Variants in COL25A1 observed in about 807,000 individuals in gnomAD.
The protein encoded by COL25A1 is collagen type XXV alpha 1 chain.
Under a neutral mutation model 128.4 loss-of-function variants are expected in COL25A1, and 103 were observed. That is an observed-to-expected ratio of 0.80 (90% CI 0.68 to 0.94). The LOEUF is 0.94. Among genes scored for constraint, COL25A1 ranks in the 40% least tolerant of loss-of-function variants. The pLI, the probability that COL25A1 is intolerant of heterozygous loss-of-function variation, is 0.00. For missense variants in COL25A1, 745 were observed against 840.0 expected (o/e 0.89, Z 1.40); for synonymous variants, 279 against 277.2 (o/e 1.01, Z -0.06).
chr4:109,180,275 T>A (rs1560821609), intron 3 of COL25A1, among the ~76,000 whole-genome samples: 1 of 152,192 alleles, frequency 6.6e-6, no homozygotes, highest in Non-Finnish European at 1.5e-5. Context: ...CAAAGCTGAT[T>A]ACTGAAATAA....
At chr4:109,207,352 C>T (rs537515823) in intron 3 of COL25A1, among the ~76,000 whole-genome samples, 1 of 152,058 alleles carries the variant, frequency 6.6e-6, no homozygotes, top group African/African-American at 2.4e-5. Context: ...AACATCTTGG[C>T]AGTCTTCCTG....
intron 8 of COL25A1, among the ~76,000 whole-genome samples, chr4:108,971,275 C>T (rs1751885024): frequency 6.6e-6 from 1 of 152,104 alleles, no homozygotes; most frequent in Non-Finnish European, 1.5e-5. Context: ...TTCATACATT[C>T]AACAAATATT....
chr4:109,297,862 C>CTTTTTTTTTTTT (rs35099153), intron 3 of COL25A1, among the ~76,000 whole-genome samples: 4 of 63,830 alleles, frequency 6.3e-5, no homozygotes, highest in Non-Finnish European at 5.9e-5. Flanking sequence ...TTTTCCTTTT[C>CTTTTTTTTTTTT]TTTTTTTTTT....
At chr4:109,204,484 A>T (rs1302437260) in intron 3 of COL25A1, among the ~76,000 whole-genome samples, 1 of 152,222 alleles carries the variant, frequency 6.6e-6, no homozygotes, top group Non-Finnish European at 1.5e-5. Flanking sequence ...CAGCCAGAAA[A>T]GCAAAATACA....
chr4:109,045,492 T>TA (rs1320729803), intron 5 of COL25A1, among the ~76,000 whole-genome samples: 1 of 152,146 alleles, frequency 6.6e-6, no homozygotes, highest in African/African-American at 2.4e-5. Context: ...TACTCAGATA[T>TA]AAAAAATATG....
intron 5 of COL25A1, among the ~76,000 whole-genome samples, chr4:109,033,760 T>C (rs1427229881): frequency 6.6e-6 from 1 of 152,178 alleles, no homozygotes; most frequent in African/African-American, 2.4e-5. Flanking sequence ...GCTAATTTAT[T>C]TTGACAGTAA....
At chr4:109,213,978 T>A (rs1284434383) in intron 3 of COL25A1, among the ~76,000 whole-genome samples, 1 of 152,110 alleles carries the variant, frequency 6.6e-6, no homozygotes, top group Admixed American at 6.6e-5. Flanking sequence ...AATGTGACCC[T>A]ACTGTCACAC....
chr4:108,836,257 C>G (rs907041886), intron 31 of COL25A1, among the ~76,000 whole-genome samples: 1 of 152,056 alleles, frequency 6.6e-6, no homozygotes, highest in Non-Finnish European at 1.5e-5. Flanking sequence ...CAGCTGTTAG[C>G]TAAATGTTGC....
At chr4:108,904,000 A>G (rs543699043) in intron 13 of COL25A1, among the ~76,000 whole-genome samples, 3 of 152,192 alleles carry the variant, frequency 2.0e-5, no homozygotes, top group East Asian at 3.9e-4. Flanking sequence ...AGAGCATTTT[A>G]CCCTTATAAT....
intron 8 of COL25A1, among the ~76,000 whole-genome samples, chr4:108,969,546 T>C (rs1751690921): frequency 6.6e-6 from 1 of 152,224 alleles, no homozygotes; most frequent in Non-Finnish European, 1.5e-5. Context: ...CTAGCTTTCA[T>C]GGTGAAATTG....
chr4:109,156,344 G>A (rs1055148203), intron 3 of COL25A1, among the ~76,000 whole-genome samples: 1 of 152,302 alleles, frequency 6.6e-6, no homozygotes, highest in Admixed American at 6.5e-5. Flanking sequence ...AAGCCGGCTT[G>A]ATTTTTTTCC....
intron 8 of COL25A1, chr4:108,942,266 GC>G: frequency 6.5e-7 from 1 of 1,550,206 alleles, no homozygotes; most frequent in Non-Finnish European, 8.7e-7. Context: ...AGCCTGGCAG[GC>G]CCTATGGACA....
At chr4:109,180,700 A>T (rs1160004076) in intron 3 of COL25A1, among the ~76,000 whole-genome samples, 1 of 152,150 alleles carries the variant, frequency 6.6e-6, no homozygotes, top group Non-Finnish European at 1.5e-5. Flanking sequence ...ATTTCCATTA[A>T]GTTTATAAAA....
intron 3 of COL25A1, among the ~76,000 whole-genome samples, chr4:109,281,113 G>T (rs1424243677): frequency 6.6e-6 from 1 of 152,066 alleles, no homozygotes; most frequent in Non-Finnish European, 1.5e-5. Context: ...GAGAGTACAA[G>T]AATACACTTT....
Position 108,901,142 on chromosome 4 carries a change from G to A in COL25A1, c.811C>T (p.Gln271Ter). 6.2e-7 allele frequency: 1 copy of A among 1,612,266 alleles called. No homozygotes were observed. The highest frequency in any genetic ancestry group is 8.5e-7 in the Non-Finnish European group (1 of 1,178,730). Reference sequence around the variant, plus strand: ...ACCTTAGGTCCTGGTATTCCATTCTGTCCTACTGCTCCAGGCAACCCGGGC... The same window carrying A: ...ACCTTAGGTCCTGGTATTCCATTCTATCCTACTGCTCCAGGCAACCCGGGC... Reference protein sequence around the residue: ...GEPGLPGAVGQNGIPGPKGEP... With the variant: ...GEPGLPGAVG The change falls in exon 14 of 38, where the codon CAG (glutamine) becomes TAG (stop). Residue 271 changes from glutamine (Q) to a stop codon, truncating the protein, a stop_gained. Transcript: ENST00000399132. LOFTEE classifies it high-confidence loss of function.
intron 3 of COL25A1, among the ~76,000 whole-genome samples, chr4:109,209,854 A>C (rs1777353029): frequency 6.6e-6 from 1 of 152,044 alleles, no homozygotes; most frequent in East Asian, 1.9e-4. Flanking sequence ...GAAATTCGAG[A>C]CTAGCCTGGC....
At chr4:108,981,439 G>GA (rs1560967452) in intron 6 of COL25A1, among the ~76,000 whole-genome samples, 1 of 151,998 alleles carries the variant, frequency 6.6e-6, no homozygotes, top group African/African-American at 2.4e-5. Flanking sequence ...AACTTTTTCT[G>GA]AAAAAACTGA....
chr4:109,038,028 A>G (rs1464915935), intron 5 of COL25A1, among the ~76,000 whole-genome samples: 1 of 152,198 alleles, frequency 6.6e-6, no homozygotes, highest in Non-Finnish European at 1.5e-5. Context: ...GAAAGCCATG[A>G]AAGACAAGTG....
At chr4:108,884,257 T>C (rs1325521769) in intron 18 of COL25A1, 35 bp from the exon 19 acceptor site, 1 of 1,581,008 alleles carries the variant, frequency 6.3e-7, no homozygotes, top group Non-Finnish European at 8.7e-7. Context: ...TATAGAATGA[T>C]ATTCACTCAG....
Sources: allele counts gnomAD v4.1 joint callset (sites outside exome capture counted in the v4.1 genomes callset), GRCh38; gene constraint gnomAD v4.1.1; transcripts MANE v1.5; gene names NCBI Gene and HGNC (gene_info 2026-07-23, HGNC 2026-07-21).